CDK17: variants seen among roughly 807,000 people sequenced by gnomAD.
CDK17 encodes cyclin-dependent kinase 17.
In CDK17, 24 loss-of-function variants were observed where a neutral mutation model predicts 77.6. The observed-to-expected ratio is 0.31, with a 90% CI of 0.22 to 0.44. CDK17 has a LOEUF of 0.44. Among genes scored for constraint, CDK17 ranks in the 20% least tolerant of loss-of-function variants. CDK17 has a pLI of 1.00. For synonymous variants in CDK17, 203 were observed against 210.4 expected, an observed-to-expected ratio of 0.96 and a Z score of 0.30; for missense variants, 429 against 622.5, an observed-to-expected ratio of 0.69 and a Z score of 3.31.
At chr12:96,382,935 A>C (rs77115819) in intron 1 of CDK17, among the ~76,000 whole-genome samples, 1 of 152,090 alleles carries the variant, frequency 6.6e-6, no homozygotes, top group East Asian at 1.9e-4. Context: ...TCAGGCAAGA[A>C]AAAAAAATCA....
intron 1 of CDK17, among the ~76,000 whole-genome samples, chr12:96,388,976 T>C (rs907638234): frequency 1.1e-4 from 16 of 152,274 alleles, no homozygotes; most frequent in African/African-American, 3.8e-4. Context: ...AAGCCATTCA[T>C]GAGGGATCTG....
At chr12:96,336,540 T>C (rs991943116) in intron 1 of CDK17, among the ~76,000 whole-genome samples, 2 of 152,226 alleles carry the variant, frequency 1.3e-5, no homozygotes, top group African/African-American at 4.8e-5. Flanking sequence ...CACATTAAAA[T>C]AGCAAGAGTT....
chr12:96,297,660 T>C lies in CDK17; in HGVS notation c.777A>G (p.Thr259=). The part of the protein sequence containing the change: ...NIVTLHDIVH[T]DKSLTLVFEY... ...CAAACACCAAAGTCAAGGATTTATC[T>C]GTGTGAACAATGTCATGTAAGGTTA... Residue 259 remains threonine (T), a synonymous_variant, in exon 8 of 17, where the codon ACA becomes ACG. Transcript: ENST00000261211. 1 of 1,605,140 alleles carries C rather than the reference T, an allele frequency of 6.2e-7. No individual in the cohort carries two copies. The highest frequency in any genetic ancestry group is 8.5e-7 in the Non-Finnish European group (1 of 1,172,882).
intron 1 of CDK17, among the ~76,000 whole-genome samples, chr12:96,358,665 T>C (rs1953445116): frequency 6.6e-6 from 1 of 151,446 alleles, no homozygotes; most frequent in Admixed American, 6.6e-5. Flanking sequence ...CTAGTAAAAA[T>C]ACAAAAAAAG....
intron 3 of CDK17, among the ~76,000 whole-genome samples, chr12:96,316,153 G>T (rs931330360): frequency 2.4e-4 from 37 of 152,318 alleles, no homozygotes; most frequent in African/African-American, 8.4e-4. Context: ...GGAAGCGCAA[G>T]GGGTCAGGGA....
intron 5 of CDK17, among the ~76,000 whole-genome samples, chr12:96,303,747 C>T (rs1271656050): frequency 1.3e-5 from 2 of 151,896 alleles, no homozygotes; most frequent in African/African-American, 4.8e-5. Flanking sequence ...GTAAGCAATA[C>T]CAAGCCTTAT....
At chr12:96,329,804 C>G (rs190876584) in intron 2 of CDK17, among the ~76,000 whole-genome samples, 1 of 152,314 alleles carries the variant, frequency 6.6e-6, no homozygotes, top group East Asian at 1.9e-4. Context: ...AGGTGAAAGA[C>G]AGAGGCTCAC....
chr12:96,370,801 G>GT (rs1329974659), intron 1 of CDK17, among the ~76,000 whole-genome samples: 2 of 152,072 alleles, frequency 1.3e-5, no homozygotes, highest in African/African-American at 4.8e-5. Context: ...TTTGAAAATA[G>GT]TTTTTTTAAG....
chr12:96,395,653 A>G (rs1342507845), intron 1 of CDK17, among the ~76,000 whole-genome samples: 1 of 152,224 alleles, frequency 6.6e-6, no homozygotes, highest in African/African-American at 2.4e-5. Context: ...CAAAATTCAC[A>G]TGTTGAAGTC....
At chr12:96,363,600 C>T (rs111451558) in intron 1 of CDK17, among the ~76,000 whole-genome samples, 24,478 of 152,020 alleles carry the variant, frequency 0.16, 2,448 homozygotes, top group South Asian at 0.3. Context: ...GTAATCCCAG[C>T]ACTTTGGGAG....
rs1369184171 is a variant in CDK17, at chr12:96,278,613, A to G, written c.*1629T>C. On this transcript the variant is annotated 3_prime_UTR_variant, in exon 17 of 17. Coordinates refer to ENST00000261211, the MANE Select transcript of CDK17 (RefSeq NM_002595.5). ...CAAAACAAAATGAAGGAATTTCCAC[A>G]TATTTATAACCTTCAAAGTACAATA... 1 of 152,586 alleles carries G rather than the reference A, an allele frequency of 6.6e-6. No homozygotes were observed. The highest frequency in any genetic ancestry group is 1.5e-5 in the Non-Finnish European group (1 of 67,970). The allele number at this position is 152,586 out of a possible 1,614,324, so 9.5% of individuals were successfully genotyped here.
chr12:96,311,024 G>A (rs1372567675), intron 5 of CDK17, 28 bp downstream of exon 5: 1 of 1,574,704 alleles, frequency 6.4e-7, no homozygotes, highest in Non-Finnish European at 8.6e-7. Flanking sequence ...CTGATTGATG[G>A]TGGAGGTATA....
chr12:96,390,153 A>AT (rs199749035), intron 1 of CDK17, among the ~76,000 whole-genome samples: 24,554 of 129,204 alleles, frequency 0.19, 2,427 homozygotes, highest in South Asian at 0.33. Context: ...TTAAAACTCA[A>AT]TTTTTTTTTT....
chr12:96,308,731 A>AAATAATAAAAAT (rs1555200764), intron 5 of CDK17, among the ~76,000 whole-genome samples: 1 of 132,572 alleles, frequency 7.5e-6, no homozygotes, highest in East Asian at 2.2e-4. Flanking sequence ...CCGTCTCCAA[A>AAATAATAAAAAT]AATAATAATA....
chr12:96,344,541 C>T (rs185490779), intron 1 of CDK17, among the ~76,000 whole-genome samples: 22 of 152,194 alleles, frequency 1.4e-4, no homozygotes, highest in Middle Eastern at 3.4e-3. Context: ...GCAATAGGAA[C>T]GGCATATTTT....
intron 1 of CDK17, among the ~76,000 whole-genome samples, chr12:96,337,636 C>A (rs539727625): frequency 6.6e-6 from 1 of 152,154 alleles, no homozygotes; most frequent in Non-Finnish European, 1.5e-5. Context: ...ACTCTAAATG[C>A]TATTCTTTAC....
chr12:96,358,145 C>T lies in CDK17; in HGVS notation c.-29-23280G>A, dbSNP rs192603091. On this transcript the variant is annotated intron_variant, in intron 1 of 16. Coordinates refer to ENST00000261211, the MANE Select transcript of CDK17 (RefSeq NM_002595.5). The stretch of plus-strand genomic sequence containing the variant: ...CTGTTTAGGTAAACTATATATAATG[C>T]TTTTTAAAAATACAAAGGATTAAAA... Among the ~76,000 whole-genome samples, 634 of 151,598 alleles carry T rather than the reference C, an allele frequency of 4.2e-3. 5 individuals carry two copies. The highest frequency in any genetic ancestry group is 0.024 in the Middle Eastern group (7 of 292).
At chr12:96,347,579 AG>A in intron 1 of CDK17, among the ~76,000 whole-genome samples, 1 of 54,800 alleles carries the variant, frequency 1.8e-5, no homozygotes, top group Non-Finnish European at 3.2e-5. Context: ...AAGGGAAGGG[AG>A]GGGAGGGGAG....
At position 96,295,136 on chromosome 12, in the gene CDK17, T is replaced by C; in HGVS notation, c.874-14A>G. 3.8e-6 allele frequency: 6 copies of C among 1,583,284 alleles called. No individual in the cohort carries two copies. Among genetic ancestry groups the C allele is most frequent in the Non-Finnish European group, 5.1e-6 (6 of 1,167,092 alleles). Reference sequence around the variant, plus strand: ...GTACAGAAACAGCTACAGAAACAAATAAATAAAAATTAGTCTTAAAGATGA... The same window carrying C: ...GTACAGAAACAGCTACAGAAACAAACAAATAAAAATTAGTCTTAAAGATGA... On this transcript the variant is annotated splice_polypyrimidine_tract_variant and intron_variant, in intron 9 of 16. Coordinates refer to ENST00000261211, the MANE Select transcript of CDK17 (RefSeq NM_002595.5).
Sources: gnomAD v4.1 joint callset for allele counts (sites outside exome capture counted in the v4.1 genomes callset) on GRCh38, gnomAD v4.1.1 for gene constraint, MANE v1.5 for transcripts, NCBI Gene and HGNC (gene_info 2026-07-23, HGNC 2026-07-21) for gene names.